The following LINC00305 variants were observed in gnomAD, a reference collection of about 807,000 sequenced individuals.
The protein encoded by LINC00305 is long independently transcribed non-coding RNA 305, also known as long intergenic non-protein coding RNA 305.
intron 1 of LINC00305, among the ~76,000 whole-genome samples, chr18:64,113,473 C>T (rs1460524048): frequency 6.6e-6 from 1 of 152,146 alleles, no homozygotes; most frequent in Admixed American, 6.5e-5. Context: ...CCTCCAAGTT[C>T]CTGCCCCCTG....
At chr18:64,087,473 T>A (rs1206081167) in intron 3 of LINC00305, among the ~76,000 whole-genome samples, 1 of 152,238 alleles carries the variant, frequency 6.6e-6, no homozygotes, top group Non-Finnish European at 1.5e-5. Context: ...TGATAATTAA[T>A]ATTTAGTAAG....
At chr18:64,095,873 A>G (rs1479294010) in intron 3 of LINC00305, among the ~76,000 whole-genome samples, 1 of 152,200 alleles carries the variant, frequency 6.6e-6, no homozygotes, top group Non-Finnish European at 1.5e-5. Flanking sequence ...CAAGCTTCAT[A>G]TAAAAGAGAT....
chr18:64,147,708 G>C lies in LINC00305; in HGVS notation n.314+1067C>G, dbSNP rs372871450. On this transcript the variant is annotated intron_variant and non_coding_transcript_variant, in intron 1 of 3. Coordinates refer to ENST00000666468, the Ensembl canonical transcript of LINC00305. ...CTCGCCCTTTCTCCCACATTGCACT[G>C]GGATGCAAAGGGAAATCTACAGAAT... 4.3e-4 allele frequency among the ~76,000 whole-genome samples: 65 copies of C among 152,216 alleles called. 2 individuals are homozygous for C. Among genetic ancestry groups the C allele is most frequent in the African/African-American group, 1.5e-3 (61 of 41,550 alleles).
intron 1 of LINC00305, among the ~76,000 whole-genome samples, chr18:64,129,455 C>A (rs532057378): frequency 3.3e-5 from 5 of 152,156 alleles, no homozygotes; most frequent in African/African-American, 1.2e-4. Flanking sequence ...GCCTTGGGTA[C>A]CAAGAGCTGC....
intron 1 of LINC00305, among the ~76,000 whole-genome samples, chr18:64,143,568 A>ATG (rs368349990): frequency 4.5e-3 from 26 of 5,774 alleles, no homozygotes; most frequent in Non-Finnish European, 0.014. Context: ...GTACATATAT[A>ATG]CACATATGTA....
At chr18:64,130,713 C>T (rs1297801454) in intron 1 of LINC00305, among the ~76,000 whole-genome samples, 1 of 152,104 alleles carries the variant, frequency 6.6e-6, no homozygotes, top group Non-Finnish European at 1.5e-5. Context: ...GATATTTGTG[C>T]TGTAATTGAT....
intron 1 of LINC00305, among the ~76,000 whole-genome samples, chr18:64,110,571 T>G (rs2051310972): frequency 6.6e-6 from 1 of 152,198 alleles, no homozygotes; most frequent in Non-Finnish European, 1.5e-5. Flanking sequence ...TGCTTGAGAT[T>G]TTTTTATGGT....
intron 1 of LINC00305, among the ~76,000 whole-genome samples, chr18:64,131,994 G>A (rs2051411977): frequency 6.6e-6 from 1 of 152,030 alleles, no homozygotes. Context: ...TGGATTCAAG[G>A]GTGTTCTTTA....
At chr18:64,114,127 G>A (rs554661522) in intron 1 of LINC00305, among the ~76,000 whole-genome samples, 3 of 152,202 alleles carry the variant, frequency 2.0e-5, no homozygotes, top group Admixed American at 6.5e-5. Flanking sequence ...AAAATTAGCC[G>A]GGCGTGGTGG....
At chr18:64,104,248 C>G (rs2144242871) in intron 1 of LINC00305, 1 of 152,316 alleles carries the variant, frequency 6.6e-6, no homozygotes, top group South Asian at 2.1e-4. Context: ...ATGGGATAAC[C>G]ACTTGGAGTC....
chr18:64,122,442 G>T (rs149888855), intron 1 of LINC00305, among the ~76,000 whole-genome samples: 6 of 151,974 alleles, frequency 3.9e-5, no homozygotes, highest in Non-Finnish European at 7.4e-5. Flanking sequence ...TGAAAAGGTT[G>T]TCCTTTCTCT....
intron 3 of LINC00305, among the ~76,000 whole-genome samples, chr18:64,089,405 A>G (rs2051216544): frequency 6.6e-6 from 1 of 152,176 alleles, no homozygotes; most frequent in Admixed American, 6.5e-5. Context: ...TTTCCTTTAT[A>G]AACTATCCAG....
At chr18:64,120,807 C>T (rs2051358660) in intron 1 of LINC00305, among the ~76,000 whole-genome samples, 1 of 152,038 alleles carries the variant, frequency 6.6e-6, no homozygotes, top group Non-Finnish European at 1.5e-5. Context: ...CCAGTTAAAC[C>T]AGATTGCAAG....
intron 1 of LINC00305, among the ~76,000 whole-genome samples, chr18:64,131,898 C>T (rs1266449716): frequency 6.6e-6 from 1 of 152,150 alleles, no homozygotes; most frequent in Non-Finnish European, 1.5e-5. Context: ...CATTCTTGCA[C>T]TATTTGAAAT....
intron 1 of LINC00305, among the ~76,000 whole-genome samples, chr18:64,144,944 C>T (rs776798197): frequency 1.4e-4 from 22 of 152,192 alleles, no homozygotes; most frequent in East Asian, 3.9e-4. Context: ...AGCCTATAAA[C>T]GGACACATGG....
intron 1 of LINC00305, among the ~76,000 whole-genome samples, chr18:64,136,362 C>T (rs1410390887): frequency 6.6e-6 from 1 of 152,120 alleles, no homozygotes; most frequent in Non-Finnish European, 1.5e-5. Flanking sequence ...TTAATGGACT[C>T]ACAGTTCCAT....
chr18:64,139,717 A>G lies in LINC00305; in HGVS notation n.314+9058T>C, dbSNP rs116814950. The G allele has an allele frequency of 1.2e-3, 174 of 139,940 alleles. 1 individual carries two copies. Among genetic ancestry groups the G allele is most frequent in the African/African-American group, 4.5e-3 (169 of 37,970 alleles). 8.7% of individuals were successfully genotyped at this position (139,940 alleles called of 1,614,324 possible). ...CAGTGTAGATCTGCTGTTTATAACC[A>G]GTCCCTTCTCTATCAGGATGGATGG... is the stretch of plus-strand genomic sequence containing the variant. On this transcript the variant is annotated intron_variant and non_coding_transcript_variant, in intron 1 of 3. Coordinates refer to ENST00000666468, the Ensembl canonical transcript of LINC00305.
chr18:64,115,682 G>A (rs1599218945), intron 1 of LINC00305, among the ~76,000 whole-genome samples: 1 of 152,238 alleles, frequency 6.6e-6, no homozygotes, highest in East Asian at 1.9e-4. Context: ...CTAAACTTTA[G>A]ACGGTTCTTC....
chr18:64,145,855 T>C (rs566589135), intron 1 of LINC00305, among the ~76,000 whole-genome samples: 1 of 152,334 alleles, frequency 6.6e-6, no homozygotes, highest in East Asian at 1.9e-4. Context: ...TGATATACCC[T>C]CAAAGTTAGG....
Sources: allele counts gnomAD v4.1 joint callset (sites outside exome capture counted in the v4.1 genomes callset), GRCh38; gene constraint gnomAD v4.1.1; transcripts MANE v1.5; gene names NCBI Gene and HGNC (gene_info 2026-07-23, HGNC 2026-07-21).